PHACTR1: variants seen among roughly 807,000 people sequenced by gnomAD.
PHACTR1 encodes the protein RPEL repeat containing 1.
PHACTR1 carries 16 observed loss-of-function variants against 69.2 expected under a neutral mutation model. The observed-to-expected ratio is 0.23, with a 90% CI of 0.16 to 0.35. PHACTR1 has a LOEUF of 0.35. PHACTR1 is among the 10% of genes least tolerant of loss of function. PHACTR1 has a pLI of 1.00. For missense variants in PHACTR1, 510 were observed against 734.7 expected (o/e 0.69, Z 3.54); for synonymous variants, 312 against 284.5 (o/e 1.10, Z -0.97).
intron 3 of PHACTR1, among the ~76,000 whole-genome samples, chr6:12,732,906 C>T (rs1316861662): frequency 1.3e-5 from 2 of 152,118 alleles, no homozygotes; most frequent in Non-Finnish European, 2.9e-5. Context: ...GGTTGATGTC[C>T]CTGGATCTGT....
chr6:13,162,974 G>A (rs974277626), intron 6 of PHACTR1, among the ~76,000 whole-genome samples: 9 of 152,178 alleles, frequency 5.9e-5, no homozygotes, highest in Non-Finnish European at 7.3e-5. Context: ...GGCCGGGCTC[G>A]GTGTCTCACG....
intron 5 of PHACTR1, among the ~76,000 whole-genome samples, chr6:13,066,098 G>C (rs1323904088): frequency 2.0e-5 from 3 of 152,102 alleles, no homozygotes; most frequent in Non-Finnish European, 4.4e-5. Context: ...TCTCTAACAG[G>C]TACAGACTAA....
intron 3 of PHACTR1, among the ~76,000 whole-genome samples, chr6:12,722,675 C>G (rs1762272538): frequency 6.6e-6 from 1 of 152,174 alleles, no homozygotes; most frequent in South Asian, 2.1e-4. Context: ...CTTCTCCCAC[C>G]TCCATTTTCC....
chr6:12,723,166 T>C (rs1762338053), intron 3 of PHACTR1, among the ~76,000 whole-genome samples: 1 of 152,122 alleles, frequency 6.6e-6, no homozygotes, highest in Non-Finnish European at 1.5e-5. Flanking sequence ...AAACAGACCC[T>C]GGGAGGGCCA....
intron 10 of PHACTR1, chr6:13,272,643 C>T (rs1342865521): frequency 3.9e-5 from 55 of 1,412,890 alleles, no homozygotes; most frequent in Admixed American, 1.6e-4. Context: ...GGGAGGAGGG[C>T]GGGGGTCAGC....
intron 3 of PHACTR1, among the ~76,000 whole-genome samples, chr6:12,734,361 A>C (rs1004522334): frequency 6.6e-6 from 1 of 152,200 alleles, no homozygotes; most frequent in African/African-American, 2.4e-5. Flanking sequence ...TAGTCTTAAC[A>C]TAATAAATGT....
At chr6:12,846,869 G>A (rs769332037) in intron 4 of PHACTR1, among the ~76,000 whole-genome samples, 6 of 97,426 alleles carry the variant, frequency 6.2e-5, no homozygotes, top group Non-Finnish European at 1.0e-4. Flanking sequence ...TGCAGTGGCC[G>A]TCTCAGCTCA....
intron 4 of PHACTR1, among the ~76,000 whole-genome samples, chr6:12,852,214 A>G (rs1779899368): frequency 6.6e-6 from 1 of 152,224 alleles, no homozygotes; most frequent in Non-Finnish European, 1.5e-5. Flanking sequence ...GCCAATTTAA[A>G]GTACCAGTAA....
intron 4 of PHACTR1, among the ~76,000 whole-genome samples, chr6:12,782,651 G>A (rs931347159): frequency 2.6e-5 from 4 of 152,160 alleles, no homozygotes; most frequent in Admixed American, 6.5e-5. Context: ...GAAATAAAAC[G>A]AGATGTGTTT....
At chr6:12,894,315 T>C (rs1039966642) in intron 4 of PHACTR1, among the ~76,000 whole-genome samples, 1 of 152,122 alleles carries the variant, frequency 6.6e-6, no homozygotes, top group Non-Finnish European at 1.5e-5. Flanking sequence ...ATCAAAACTT[T>C]TCATTTGGGC....
chr6:13,130,757 A>G (rs193212096), intron 5 of PHACTR1, among the ~76,000 whole-genome samples: 1 of 152,196 alleles, frequency 6.6e-6, no homozygotes, highest in East Asian at 1.9e-4. Context: ...AATCTTACTG[A>G]AACTATTCCA....
At chr6:12,988,844 C>G (rs1240097033) in intron 4 of PHACTR1, among the ~76,000 whole-genome samples, 1 of 152,226 alleles carries the variant, frequency 6.6e-6, no homozygotes, top group Non-Finnish European at 1.5e-5. Context: ...GCCTACTCAT[C>G]TCACAGGAGT....
chr6:13,000,421 A>G (rs888281439), intron 4 of PHACTR1, among the ~76,000 whole-genome samples: 1 of 152,106 alleles, frequency 6.6e-6, no homozygotes, highest in African/African-American at 2.4e-5. Flanking sequence ...GGTGGTGCAC[A>G]TCTGTGGTCC....
chr6:12,800,818 G>A (rs1399332852), intron 4 of PHACTR1, among the ~76,000 whole-genome samples: 2 of 151,926 alleles, frequency 1.3e-5, no homozygotes, highest in Non-Finnish European at 2.9e-5. Flanking sequence ...AGCCCTGGAG[G>A]TCCAAGGCTA....
At chr6:13,151,934 G>GTC (rs915636529) in intron 5 of PHACTR1, among the ~76,000 whole-genome samples, 17 of 151,980 alleles carry the variant, frequency 1.1e-4, no homozygotes, top group Non-Finnish European at 2.5e-4. Context: ...GTGTGTGTGT[G>GTC]TGTATGTGCA....
intron 11 of PHACTR1, among the ~76,000 whole-genome samples, chr6:13,276,499 C>T (rs1330045651): frequency 3.3e-5 from 5 of 152,206 alleles, no homozygotes; most frequent in African/African-American, 9.6e-5. Context: ...AGGCCGGGCG[C>T]GGTGGCTCAC....
intron 4 of PHACTR1, among the ~76,000 whole-genome samples, chr6:12,854,119 A>G (rs1561947298): frequency 6.6e-6 from 1 of 152,226 alleles, no homozygotes; most frequent in Non-Finnish European, 1.5e-5. Flanking sequence ...GAGTTATGCC[A>G]TGAAAAACCT....
intron 4 of PHACTR1, among the ~76,000 whole-genome samples, chr6:12,902,293 C>T (rs1013505295): frequency 3.9e-5 from 6 of 152,098 alleles, no homozygotes; most frequent in Non-Finnish European, 8.8e-5. Flanking sequence ...TATGGTGGCA[C>T]GTACCTGTAA....
intron 6 of PHACTR1, among the ~76,000 whole-genome samples, chr6:13,170,858 C>A (rs1028041230): frequency 2.6e-5 from 4 of 152,196 alleles, no homozygotes; most frequent in Admixed American, 6.5e-5. Flanking sequence ...CTCACTGTTC[C>A]CAGGCCCAAG....
Sources: gnomAD v4.1 joint callset for allele counts (sites outside exome capture counted in the v4.1 genomes callset) on GRCh38, gnomAD v4.1.1 for gene constraint, MANE v1.5 for transcripts, NCBI Gene and HGNC (gene_info 2026-07-23, HGNC 2026-07-21) for gene names.